CCDC39: variants seen among roughly 807,000 people sequenced by gnomAD.
CCDC39 encodes coiled-coil domain-containing protein 39.
Under a neutral mutation model 121.0 loss-of-function variants are expected in CCDC39, and 113 were observed. That is an observed-to-expected ratio of 0.93 (90% CI 0.80 to 1.09). The LOEUF is 1.09. Ranked by LOEUF, CCDC39 falls within the 50% of genes least tolerant of loss-of-function variation. The pLI is 0.00. For missense variants in CCDC39, 1,063 were observed against 1,074.7 expected, an observed-to-expected ratio of 0.99 and a Z score of 0.15; for synonymous variants, 349 against 352.2, an observed-to-expected ratio of 0.99 and a Z score of 0.10.
intron 6 of CCDC39, among the ~76,000 whole-genome samples, chr3:180,656,265 A>G (rs1711573406): frequency 6.6e-6 from 1 of 152,204 alleles, no homozygotes; most frequent in South Asian, 2.1e-4. Context: ...TTCTACTTCA[A>G]CATCATACTT....
At chr3:180,654,424 A>G (rs1365045078) in intron 7 of CCDC39, among the ~76,000 whole-genome samples, 1 of 151,840 alleles carries the variant, frequency 6.6e-6, no homozygotes, top group Non-Finnish European at 1.5e-5. Context: ...CAGGCAACAA[A>G]AGCAAAAATA....
intron 1 of CCDC39, among the ~76,000 whole-genome samples, chr3:180,677,197 T>C (rs1259243359): frequency 6.8e-5 from 7 of 103,534 alleles, no homozygotes; most frequent in African/African-American, 2.3e-4. Context: ...TATATATATA[T>C]ATATATATAT....
In CCDC39 at chr3:180,660,556, T is replaced by C. The variant is rs377363801; in HGVS notation, c.516+14A>G. 3.3e-5 allele frequency: 51 copies of C among 1,554,574 alleles called. No homozygotes were observed. The South Asian group carries it at 5.2e-4, about 16-fold the overall frequency. On this transcript the variant is annotated intron_variant, in intron 4 of 19. Transcript: ENST00000476379. ...TTAGAGAAAACCTAACAGTTACAAT[T>C]TGTAATTTCTCACCCTGATTTTATT...
chr3:180,629,716 G>T (rs1717650810), intron 14 of CCDC39, among the ~76,000 whole-genome samples: 1 of 152,140 alleles, frequency 6.6e-6, no homozygotes, highest in Non-Finnish European at 1.5e-5. Flanking sequence ...AACAAAAAAT[G>T]GGAATAACTG....
chr3:180,630,403 C>T (rs1717665588), intron 14 of CCDC39, among the ~76,000 whole-genome samples: 1 of 151,996 alleles, frequency 6.6e-6, no homozygotes, highest in African/African-American at 2.4e-5. Flanking sequence ...GACAGGCATA[C>T]CATACTTGCT....
chr3:180,625,677 T>C (rs1215016908), intron 14 of CCDC39, among the ~76,000 whole-genome samples: 1 of 152,134 alleles, frequency 6.6e-6, no homozygotes, highest in African/African-American at 2.4e-5. Flanking sequence ...GAAGTACATA[T>C]GTAGTTGGTG....
intron 14 of CCDC39, 79 bp downstream of exon 14, chr3:180,631,390 T>A: frequency 7.5e-7 from 1 of 1,330,270 alleles, no homozygotes; most frequent in Non-Finnish European, 1.0e-6. Context: ...TGTTTTTTTA[T>A]TTAAATTCAG....
At chr3:180,622,228 G>A (rs958969107) in intron 14 of CCDC39, among the ~76,000 whole-genome samples, 41 of 152,048 alleles carry the variant, frequency 2.7e-4, no homozygotes, top group African/African-American at 9.7e-4. Flanking sequence ...CATTATTAGT[G>A]TTTAGAAATG....
At chr3:180,651,289 C>CA in intron 9 of CCDC39, 112 bp downstream of exon 9, 1 of 843,924 alleles carries the variant, frequency 1.2e-6, no homozygotes, top group East Asian at 2.8e-5. Flanking sequence ...GTGATCATAC[C>CA]AAAAAGCAGA....
chr3:180,628,513 A>G (rs1337093942), intron 14 of CCDC39, among the ~76,000 whole-genome samples: 2 of 152,302 alleles, frequency 1.3e-5, no homozygotes, highest in East Asian at 1.9e-4. Flanking sequence ...GGCCTGAGAC[A>G]TATATTTCTG....
chr3:180,617,189 C>T (rs192657907), intron 16 of CCDC39, among the ~76,000 whole-genome samples: 6 of 152,110 alleles, frequency 3.9e-5, no homozygotes, highest in Admixed American at 6.6e-5. Context: ...TGTTACCTAG[C>T]GACATTGTAA....
chr3:180,623,988 AT>A (rs1043183135), intron 14 of CCDC39, among the ~76,000 whole-genome samples: 3 of 151,590 alleles, frequency 2.0e-5, no homozygotes, highest in Non-Finnish European at 4.4e-5. Context: ...TTCTTTGTTG[AT>A]TTTCTGTCTT....
rs192164895 is a variant in CCDC39, at chr3:180,638,189, G to A, written c.1874+3804C>T. On this transcript the variant is annotated intron_variant, in intron 13 of 19. Coordinates refer to ENST00000476379, the MANE Select transcript of CCDC39 (RefSeq NM_181426.2). ...AAAATTATAAAACACCAAGGATAAA[G>A]AGAGTGTCCCAAAGCTTCCAGAAAG... Among the ~76,000 whole-genome samples the A allele has an allele frequency of 4.9e-3, 748 of 152,178 alleles. 5 individuals carry two copies. Among genetic ancestry groups the A allele is most frequent in the Non-Finnish European group, 6.8e-3 (462 of 67,984 alleles).
intron 13 of CCDC39, among the ~76,000 whole-genome samples, chr3:180,632,092 A>T (rs1717712478): frequency 6.6e-6 from 1 of 152,182 alleles, no homozygotes; most frequent in African/African-American, 2.4e-5. Context: ...TCTCAAGCCT[A>T]GGTAACCCAA....
At chr3:180,624,296 A>ATATG (rs1717502518) in intron 14 of CCDC39, among the ~76,000 whole-genome samples, 1 of 151,980 alleles carries the variant, frequency 6.6e-6, no homozygotes, top group South Asian at 2.1e-4. Flanking sequence ...CTTTCAGTAT[A>ATATG]TATGTCTTTT....
At chr3:180,677,145 T>C (rs1159925912) in intron 1 of CCDC39, among the ~76,000 whole-genome samples, 1 of 102,930 alleles carries the variant, frequency 9.7e-6, no homozygotes, top group Admixed American at 1.2e-4. Flanking sequence ...TAAAGTATTA[T>C]AATAATAATA....
intron 4 of CCDC39, 92 bp downstream of exon 4, chr3:180,660,478 G>C: frequency 8.8e-7 from 1 of 1,134,916 alleles, no homozygotes; most frequent in Non-Finnish European, 1.2e-6. Context: ...AAGAATTGCT[G>C]CCTTAAAAAT....
At chr3:180,670,639 C>CTTTT (rs573623299) in intron 1 of CCDC39, among the ~76,000 whole-genome samples, 1 of 120,438 alleles carries the variant, frequency 8.3e-6, no homozygotes, top group African/African-American at 3.0e-5. Flanking sequence ...TTTTTTTTCT[C>CTTTT]TTTTTTTTTT....
chr3:180,677,827 G>A (rs184113828), intron 1 of CCDC39, among the ~76,000 whole-genome samples: 6 of 152,134 alleles, frequency 3.9e-5, no homozygotes, highest in Admixed American at 2.6e-4. Flanking sequence ...ACTTTGGAGA[G>A]GAAATACCTT....
Sources: gnomAD v4.1 joint callset for allele counts (sites outside exome capture counted in the v4.1 genomes callset) on GRCh38, gnomAD v4.1.1 for gene constraint, MANE v1.5 for transcripts, NCBI Gene and HGNC (gene_info 2026-07-23, HGNC 2026-07-21) for gene names.